ARHGEF18: variants seen among roughly 807,000 people sequenced by gnomAD.
ARHGEF18 encodes Rho/Rac guanine nucleotide exchange factor 18, also known as rho guanine nucleotide exchange factor 18.
A neutral mutation model predicts 155.7 loss-of-function variants in ARHGEF18; 93 were observed. The observed-to-expected ratio is 0.60, with a 90% confidence interval of 0.50 to 0.71. The LOEUF (loss-of-function observed/expected upper bound fraction) is 0.71, where lower values mean the gene tolerates loss of function less well. Among genes scored for constraint, ARHGEF18 ranks in the 30% least tolerant of loss-of-function variants. The probability of loss-of-function intolerance (pLI) is 0.00; values close to 1 mark genes in which losing one functional copy is unlikely to be tolerated. For synonymous variants in ARHGEF18, 742 were observed against 753.1 expected (o/e 0.99, Z 0.24); for missense variants, 1,593 against 1,816.1 (o/e 0.88, Z 2.23).
At chr19:7,372,135 C>T (rs950696249) in intron 2 of ARHGEF18, among the ~76,000 whole-genome samples, 7 of 152,202 alleles carry the variant, frequency 4.6e-5, no homozygotes, top group African/African-American at 1.4e-4. Context: ...CCCACCTACC[C>T]ACCAAACCCT....
At chr19:7,365,386 C>T (rs1969840644) in intron 2 of ARHGEF18, among the ~76,000 whole-genome samples, 1 of 152,158 alleles carries the variant, frequency 6.6e-6, no homozygotes, top group Admixed American at 6.5e-5. Context: ...AAGATCACAC[C>T]ATTGCACTCC....
intron 15 of ARHGEF18, among the ~76,000 whole-genome samples, chr19:7,448,997 A>G (rs76863086): frequency 0.045 from 6,777 of 152,172 alleles, 247 homozygotes; most frequent in Non-Finnish European, 0.067. Flanking sequence ...GTTAGGAGTG[A>G]CATGCGTTTA....
At chr19:7,454,091 T>G (rs1424785914) in intron 17 of ARHGEF18, among the ~76,000 whole-genome samples, 1 of 151,508 alleles carries the variant, frequency 6.6e-6, no homozygotes, top group East Asian at 2.0e-4. Context: ...AGGTGCCATA[T>G]GGGATTAGCA....
At position 7,364,323 on chromosome 19, in the gene ARHGEF18, GAGA is replaced by G. The variant is rs141887080; in HGVS notation, c.15+1424_15+1426del. ...GATAATGGAGGGGTAATGGATAGATGAGAAGAAGGATGAGAGGAAGAAAGGAAG... is the reference window on the plus strand; with the variant it reads ...GATAATGGAGGGGTAATGGATAGATGAGAAGGATGAGAGGAAGAAAGGAAG... On this transcript the variant is annotated intron_variant, in intron 2 of 28. Transcript: ENST00000668164. Among the ~76,000 whole-genome samples, 43 of 144,358 alleles carry G rather than the reference GAGA, an allele frequency of 3.0e-4. No homozygotes were observed. The East Asian group carries it at 8.8e-3, about 29-fold the overall frequency. 94.7% of individuals were successfully genotyped at this position (144,358 alleles called of 152,430 possible).
chr19:7,395,165 G>T lies in ARHGEF18; in HGVS notation c.967+11962G>T. On this transcript the variant is annotated intron_variant, in intron 10 of 28. Coordinates refer to ENST00000668164, the MANE Select transcript of ARHGEF18 (RefSeq NM_001367823.1). The surrounding 1 kb of genome is among the most constrained non-coding windows in gnomAD (Gnocchi z 5.0). The stretch of plus-strand genomic sequence containing the variant: ...CAGCTGCTAGCTACTGTGGATCTGG[G>T]GGGGCCGGACGGAGGCATCGGAGGC... 2 of 985,998 alleles carry T rather than the reference G, an allele frequency of 2.0e-6. No individual in the cohort carries two copies. The highest frequency in any genetic ancestry group is 4.7e-5 in the South Asian group (1 of 21,312). 61.1% of individuals were successfully genotyped at this position (985,998 alleles called of 1,614,324 possible).
chr19:7,382,640 G>A (rs191194950), intron 8 of ARHGEF18, among the ~76,000 whole-genome samples, 152 bp from the exon 9 acceptor site: 130 of 152,196 alleles, frequency 8.5e-4, no homozygotes, highest in African/African-American at 2.8e-3. Context: ...GAAGGAGGGA[G>A]GGAAGGAGGA....
intron 10 of ARHGEF18, among the ~76,000 whole-genome samples, chr19:7,431,311 A>T (rs1259209413): frequency 2.6e-5 from 4 of 151,848 alleles, no homozygotes; most frequent in Admixed American, 6.6e-5. Flanking sequence ...GAGGTCAGGC[A>T]TTCGAAACCA....
At chr19:7,371,203 T>G (rs1970191431) in intron 2 of ARHGEF18, among the ~76,000 whole-genome samples, 2 of 152,082 alleles carry the variant, frequency 1.3e-5, no homozygotes, top group South Asian at 4.2e-4. Flanking sequence ...CCAGGCCTGG[T>G]CAGATTCATG....
In ARHGEF18 at chr19:7,470,865, CA is replaced by C. The variant is rs1195072688; in HGVS notation, c.*568del. On this transcript the variant is annotated 3_prime_UTR_variant, in exon 29 of 29. Coordinates refer to ENST00000668164, the MANE Select transcript of ARHGEF18 (RefSeq NM_001367823.1). This position sits in a 1 kb window ranked among gnomAD's most constrained non-coding sequence, Gnocchi z 5.9. ...CCCCACGCAGGTTCACCATGAACCT[CA>C]GGGTCAGGGAATGAGCCAGGCACGG... 2 of 401,114 alleles carry C rather than the reference CA, an allele frequency of 5.0e-6. No individual in the cohort carries two copies. Among genetic ancestry groups the C allele is most frequent in the African/African-American group, 4.1e-5 (2 of 48,702 alleles). The allele number at this position is 401,114 out of a possible 1,614,324, so 24.8% of individuals were successfully genotyped here.
Position 7,372,853 on chromosome 19 carries a change from C to T in ARHGEF18, c.57C>T (p.Asp19=). The T allele has an allele frequency of 1.6e-6, 2 of 1,234,526 alleles. No individual in the cohort carries two copies. Among genetic ancestry groups the T allele is most frequent in the Non-Finnish European group, 2.0e-6 (2 of 988,296 alleles). 76.5% of individuals were successfully genotyped at this position (1,234,526 alleles called of 1,614,324 possible). A position where few individuals can be genotyped will look rare whatever the true frequency, so the allele number is the denominator to read the frequency against. Residue 19 remains aspartate, a synonymous_variant, in exon 3 of 29, where the codon GAC becomes GAT. Transcript: ENST00000668164. ...FPRRLSESME[D]LSLDLGALQG... is the part of the protein sequence containing the mutation. ...GGCGGCTCAGCGAGAGTATGGAGGACCTCAGCCTGGATTTGGGGGCCCTTC... is the reference window on the plus strand; with the variant it reads ...GGCGGCTCAGCGAGAGTATGGAGGATCTCAGCCTGGATTTGGGGGCCCTTC...
chr19:7,476,401 C>T (rs766733487), downstream of ARHGEF18, among the ~76,000 whole-genome samples: 2 of 152,238 alleles, frequency 1.3e-5, no homozygotes, highest in Non-Finnish European at 2.9e-5. Flanking sequence ...CCAGGCTGTG[C>T]AACAATGTCT....
intron 10 of ARHGEF18, among the ~76,000 whole-genome samples, chr19:7,426,291 C>G (rs1419564314): frequency 6.6e-6 from 1 of 151,948 alleles, no homozygotes; most frequent in Non-Finnish European, 1.5e-5. Flanking sequence ...AGTTGGAGAC[C>G]AGCCTGGCCA....
At chr19:7,448,710 C>T (rs1400713805) in intron 15 of ARHGEF18, among the ~76,000 whole-genome samples, 1 of 152,082 alleles carries the variant, frequency 6.6e-6, no homozygotes, top group African/African-American at 2.4e-5. Flanking sequence ...CTTTTGTCCC[C>T]TTGCTGGTCC....
In ARHGEF18 at chr19:7,395,630, C is replaced by A. The variant is rs1971656136; in HGVS notation, c.967+12427C>A. 6.6e-6 allele frequency among the ~76,000 whole-genome samples: 1 copy of A among 152,070 alleles called. No individual in the cohort carries two copies. Among genetic ancestry groups the A allele is most frequent in the Non-Finnish European group, 1.5e-5 (1 of 68,002 alleles). On this transcript the variant is annotated intron_variant, in intron 10 of 28. Coordinates refer to ENST00000668164, the MANE Select transcript of ARHGEF18 (RefSeq NM_001367823.1). The surrounding 1 kb of genome is among the most constrained non-coding windows in gnomAD (Gnocchi z 5.0). ...GATGGAATGGAACCCACCACAATAC[C>A]CAGCACCGTCGTATTTCAGGCCTCC...
rs934524097 is a variant in ARHGEF18, at chr19:7,462,425, G to T, written c.2635+91G>T. On this transcript the variant is annotated intron_variant, in intron 21 of 28. Transcript: ENST00000668164. The surrounding 1 kb of genome is among the most constrained non-coding windows in gnomAD (Gnocchi z 4.4). ...GCCAGGCTCACGGCTCATTGTGGCC[G>T]ACACGGCACCCTGTCCAGGACAGGC... is the stretch of plus-strand genomic sequence containing the variant. The T allele has an allele frequency of 1.4e-6, 2 of 1,382,490 alleles. No homozygotes were observed. Among genetic ancestry groups the T allele is most frequent in the Admixed American group, 5.5e-5 (2 of 36,202 alleles). 85.6% of individuals were successfully genotyped at this position (1,382,490 alleles called of 1,614,324 possible). A position where few individuals can be genotyped will look rare whatever the true frequency, so the allele number is the denominator to read the frequency against.
At chr19:7,370,122 A>G (rs1306013502) in intron 2 of ARHGEF18, among the ~76,000 whole-genome samples, 1 of 151,616 alleles carries the variant, frequency 6.6e-6, no homozygotes, top group Non-Finnish European at 1.5e-5. Flanking sequence ...ACTTGAACCC[A>G]GGAGGCAGAG....
Position 7,462,463 on chromosome 19 carries a change from G to A in ARHGEF18, c.2635+129G>A. ...GTCCAGGACAGGCTTCTATGTGGGG[G>A]GGGCCCAGGAGCAGCACTGACCGCC... is the stretch of plus-strand genomic sequence containing the variant. On this transcript the variant is annotated intron_variant, in intron 21 of 28. Coordinates refer to ENST00000668164, the MANE Select transcript of ARHGEF18 (RefSeq NM_001367823.1). The surrounding 1 kb of genome is among the most constrained non-coding windows in gnomAD (Gnocchi z 4.4). The A allele has an allele frequency of 3.5e-6, 4 of 1,152,562 alleles. No homozygotes were observed. Among genetic ancestry groups the A allele is most frequent in the Non-Finnish European group, 4.7e-6 (4 of 843,730 alleles). 71.4% of individuals were successfully genotyped at this position (1,152,562 alleles called of 1,614,324 possible). A position where few individuals can be genotyped will look rare whatever the true frequency, so the allele number is the denominator to read the frequency against.
In ARHGEF18 at chr19:7,395,358, C is replaced by A; in HGVS notation, c.967+12155C>A. 3 of 971,614 alleles carry A rather than the reference C, an allele frequency of 3.1e-6. No individual in the cohort carries two copies. Among genetic ancestry groups the A allele is most frequent in the Non-Finnish European group, 3.7e-6 (3 of 817,316 alleles). The allele number at this position is 971,614 out of a possible 1,614,324, so 60.2% of individuals were successfully genotyped here. A position where few individuals can be genotyped will look rare whatever the true frequency, so the allele number is the denominator to read the frequency against. On this transcript the variant is annotated intron_variant, in intron 10 of 28. Transcript: ENST00000668164. This position sits in a 1 kb window ranked among gnomAD's most constrained non-coding sequence, Gnocchi z 5.0. ...GACCCCCGGGGCTGCCTCGGGCCTC[C>A]CGCCGGCTCCTGGGGGACTTCTCCA...
At chr19:7,375,070 G>C (rs192210709) in intron 3 of ARHGEF18, among the ~76,000 whole-genome samples, 6 of 152,066 alleles carry the variant, frequency 3.9e-5, no homozygotes, top group African/African-American at 1.2e-4. Context: ...TGAGGAGTTC[G>C]AGATCAGCCT....
Sources: allele counts gnomAD v4.1 joint callset (sites outside exome capture counted in the v4.1 genomes callset), GRCh38; gene constraint gnomAD v4.1.1; non-coding constraint Gnocchi (gnomAD v3.1); transcripts MANE v1.5; gene names NCBI Gene and HGNC (gene_info 2026-07-23, HGNC 2026-07-21).